PRKG1: variants seen among roughly 807,000 people sequenced by gnomAD.
PRKG1 encodes cGMP-dependent protein kinase 1.
PRKG1 carries 35 observed loss-of-function variants against 88.1 expected under a neutral mutation model. That is an observed-to-expected ratio of 0.40 (90% CI 0.30 to 0.53). The LOEUF is 0.53. PRKG1 is among the 20% of genes least tolerant of loss of function. The probability of loss-of-function intolerance (pLI) is 0.59; values close to 1 mark genes in which losing one functional copy is unlikely to be tolerated. For missense variants in PRKG1, 540 were observed against 839.8 expected (o/e 0.64, Z 4.41); for synonymous variants, 303 against 292.5 (o/e 1.04, Z -0.37).
chr10:51,445,531 T>TAAC (rs943253236), intron 2 of PRKG1, among the ~76,000 whole-genome samples: 22 of 151,876 alleles, frequency 1.4e-4, no homozygotes, highest in Non-Finnish European at 2.2e-4. Context: ...AGGTTAAATA[T>TAAC]AACAACAACA....
intron 1 of PRKG1, among the ~76,000 whole-genome samples, chr10:51,047,793 GA>G (rs59575410): frequency 6.6e-6 from 1 of 151,818 alleles, no homozygotes; most frequent in Non-Finnish European, 1.5e-5. Flanking sequence ...TATCAAAAAT[GA>G]AAAAAACAAG....
intron 4 of PRKG1, among the ~76,000 whole-genome samples, chr10:51,823,201 G>T (rs908319457): frequency 6.6e-6 from 1 of 152,010 alleles, no homozygotes; most frequent in African/African-American, 2.4e-5. Flanking sequence ...CAAAAAGCTT[G>T]AGAACCACCC....
chr10:51,416,554 C>T (rs1838245241), intron 2 of PRKG1, among the ~76,000 whole-genome samples: 2 of 152,140 alleles, frequency 1.3e-5, no homozygotes, highest in African/African-American at 4.8e-5. Context: ...ACACAGTAAT[C>T]TTGTTCTACA....
At chr10:51,856,238 C>T (rs1435059647) in intron 4 of PRKG1, among the ~76,000 whole-genome samples, 2 of 151,740 alleles carry the variant, frequency 1.3e-5, no homozygotes, top group African/African-American at 4.8e-5. Flanking sequence ...CCACAAAGTC[C>T]CTTTGTTCCA....
intron 7 of PRKG1, among the ~76,000 whole-genome samples, chr10:52,101,691 C>A (rs1451480445): frequency 6.6e-6 from 1 of 152,076 alleles, no homozygotes; most frequent in Non-Finnish European, 1.5e-5. Flanking sequence ...CAGCTGAGAC[C>A]CAGACAGGTT....
At chr10:51,697,935 G>C in intron 3 of PRKG1, 1 of 1,599,054 alleles carries the variant, frequency 6.3e-7, no homozygotes, top group Non-Finnish European at 8.5e-7. Flanking sequence ...CCTCCTCCTT[G>C]TATACTGACT....
chr10:52,075,881 G>A (rs142819381), intron 7 of PRKG1, among the ~76,000 whole-genome samples: 1 of 152,172 alleles, frequency 6.6e-6, no homozygotes, highest in Non-Finnish European at 1.5e-5. Context: ...TCCATCATGA[G>A]GGCCCCACTT....
intron 5 of PRKG1, among the ~76,000 whole-genome samples, chr10:52,019,155 G>GTGGGAAC (rs932748248): frequency 5.9e-5 from 9 of 152,038 alleles, no homozygotes; most frequent in African/African-American, 2.2e-4. Context: ...AACTAATGGA[G>GTGGGAAC]TGGGAACTCA....
intron 1 of PRKG1, among the ~76,000 whole-genome samples, chr10:51,040,309 C>CT (rs1222819203): frequency 3.5e-4 from 23 of 65,712 alleles, no homozygotes; most frequent in African/African-American, 8.5e-4. Flanking sequence ...TTTTCTTTTT[C>CT]TCTTTTTTTT....
At chr10:51,676,465 A>C (rs1392452762) in intron 3 of PRKG1, among the ~76,000 whole-genome samples, 2 of 151,626 alleles carry the variant, frequency 1.3e-5, no homozygotes, top group African/African-American at 4.8e-5. Flanking sequence ...AATGCACAAA[A>C]AAAAAAAAAA....
At chr10:52,020,161 CCATA>C (rs1245869705) in intron 5 of PRKG1, among the ~76,000 whole-genome samples, 2 of 151,582 alleles carry the variant, frequency 1.3e-5, no homozygotes, top group Non-Finnish European at 2.9e-5. Context: ...GTAAATGAGA[CCATA>C]CATATAAAAA....
intron 4 of PRKG1, among the ~76,000 whole-genome samples, chr10:51,809,388 T>C (rs1839394223): frequency 6.6e-6 from 1 of 152,206 alleles, no homozygotes; most frequent in Admixed American, 6.5e-5. Context: ...TCTGTCATCT[T>C]TGGCTACTAA....
In PRKG1 at chr10:51,782,313, G is replaced by A. The variant is rs574445622; in HGVS notation, c.593-22272G>A. Among the ~76,000 whole-genome samples, 33 of 152,164 alleles carry A rather than the reference G, an allele frequency of 2.2e-4. No homozygotes were observed. In the South Asian group the frequency reaches 4.0e-3, roughly 18 times the overall value. On this transcript the variant is annotated intron_variant, in intron 3 of 17. Transcript: ENST00000373980. ...CCATGGGTTATCAGGTTGTAGCCTC[G>A]TGAGCCAAGGAGATCTGTACACAAT...
At chr10:51,461,757 G>T (rs555263188) in intron 2 of PRKG1, among the ~76,000 whole-genome samples, 15 of 152,282 alleles carry the variant, frequency 9.9e-5, no homozygotes, top group African/African-American at 3.6e-4. Flanking sequence ...GCTTAAGAAA[G>T]ACATATATAA....
At chr10:51,852,373 C>CACAG (rs1202921117) in intron 4 of PRKG1, among the ~76,000 whole-genome samples, 1 of 149,626 alleles carries the variant, frequency 6.7e-6, no homozygotes, top group Non-Finnish European at 1.5e-5. Context: ...CACACACACA[C>CACAG]ATAGAGAGAG....
chr10:52,018,780 T>C (rs895635768), intron 5 of PRKG1, among the ~76,000 whole-genome samples: 1 of 152,102 alleles, frequency 6.6e-6, no homozygotes, highest in Non-Finnish European at 1.5e-5. Context: ...TCAACTCCAT[T>C]GAAACAAAAG....
chr10:51,459,651 C>T (rs368343080), intron 2 of PRKG1, among the ~76,000 whole-genome samples: 1 of 152,088 alleles, frequency 6.6e-6, no homozygotes, highest in African/African-American at 2.4e-5. Flanking sequence ...AATCCATGCA[C>T]AGAGAGTTAG....
intron 2 of PRKG1, among the ~76,000 whole-genome samples, chr10:51,355,802 A>C (rs923951567): frequency 6.6e-6 from 1 of 152,020 alleles, no homozygotes; most frequent in South Asian, 2.1e-4. Context: ...CTGGTCTTTG[A>C]TGAATGTTGT....
chr10:51,693,953 T>C (rs1262497193), intron 3 of PRKG1, among the ~76,000 whole-genome samples: 1 of 152,166 alleles, frequency 6.6e-6, no homozygotes, highest in Admixed American at 6.5e-5. Context: ...CATTATATAG[T>C]ATGCCAATAT....
Sources: allele counts gnomAD v4.1 joint callset (sites outside exome capture counted in the v4.1 genomes callset), GRCh38; gene constraint gnomAD v4.1.1; transcripts MANE v1.5; gene names NCBI Gene and HGNC (gene_info 2026-07-23, HGNC 2026-07-21).